The following FLYWCH1 variants were observed in gnomAD, a reference collection of about 807,000 sequenced individuals.
FLYWCH1 encodes the protein FLYWCH-type zinc finger 1.
A neutral mutation model predicts 66.4 loss-of-function variants in FLYWCH1; 75 were observed. The observed-to-expected ratio is 1.13, with a 90% CI of 0.94 to 1.37. The LOEUF (loss-of-function observed/expected upper bound fraction) is 1.37. FLYWCH1 is among the 40% of genes most tolerant of loss of function. FLYWCH1 has a pLI of 0.00. For synonymous variants in FLYWCH1, 595 were observed against 429.9 expected, an observed-to-expected ratio of 1.38 and a Z score of -4.75; for missense variants, 1,334 against 1,001.8, an observed-to-expected ratio of 1.33 and a Z score of -4.48.
chr16:2,930,448 G>A lies in FLYWCH1; in HGVS notation c.364G>A (p.Gly122Arg). ...CCTGGAGTTCCTGAGGACACCATTC[G>A]GGGGCCGCCTCCTGGTGCTGGAGTC... ...QSLEFLRTPF[G>R]GRLLVLESFL... Residue 122 changes from glycine to arginine, a missense_variant, in exon 4 of 10, where the codon GGG becomes AGG. Gly to Arg is a moderately radical substitution (Grantham distance 125). Coordinates refer to ENST00000253928, the MANE Select transcript of FLYWCH1 (RefSeq NM_001308068.2). 6.7e-7 allele frequency: 1 copy of A among 1,493,158 alleles called. No individual in the cohort carries two copies. The highest frequency in any genetic ancestry group is 8.9e-7 in the Non-Finnish European group (1 of 1,123,306). The allele number at this position is 1,493,158 out of a possible 1,614,324, so 92.5% of individuals were successfully genotyped here.
chr16:2,945,366 A>G (rs767527415), intron 9 of FLYWCH1, among the ~76,000 whole-genome samples: 5 of 151,838 alleles, frequency 3.3e-5, no homozygotes, highest in Non-Finnish European at 7.4e-5. Context: ...TGTGCCTGTA[A>G]TCCCAGCTAC....
chr16:2,938,607 GTTTTTTTTT>G (rs35169451), intron 8 of FLYWCH1, among the ~76,000 whole-genome samples, 151 bp downstream of exon 8: 1 of 129,192 alleles, frequency 7.7e-6, no homozygotes, highest in East Asian at 2.3e-4. Context: ...ACCAGTCTTT[GTTTTTTTTT>G]TTTTTTTTTT....
At chr16:2,923,115 C>A in intron 2 of FLYWCH1, 1 of 401,452 alleles carries the variant, frequency 2.5e-6, no homozygotes, top group South Asian at 2.0e-5. Context: ...TTGTGAGGTT[C>A]TTTTTTTGTG....
At chr16:2,916,268 A>G (rs1323877931) in intron 2 of FLYWCH1, among the ~76,000 whole-genome samples, 3 of 152,136 alleles carry the variant, frequency 2.0e-5, no homozygotes, top group Admixed American at 6.6e-5. Context: ...TTAACCTAGG[A>G]GGCAGAAGTT....
intron 2 of FLYWCH1, among the ~76,000 whole-genome samples, chr16:2,926,210 A>C (rs1346908116): frequency 2.0e-5 from 3 of 152,244 alleles, no homozygotes; most frequent in African/African-American, 7.2e-5. Context: ...CAATAGAACA[A>C]TTCTGCCCAT....
At chr16:2,918,046 C>T (rs1403170437) in intron 2 of FLYWCH1, among the ~76,000 whole-genome samples, 1 of 151,370 alleles carries the variant, frequency 6.6e-6, no homozygotes, top group African/African-American at 2.4e-5. Flanking sequence ...GCCATGTTGG[C>T]CGGGCTTGTC....
chr16:2,948,724 G>A lies in FLYWCH1; in HGVS notation c.2148G>A (p.Gln716=). Residue 716 remains glutamine (Q), a synonymous_variant, in exon 10 of 10, where the codon CAG becomes CAA. Transcript: ENST00000253928. Reference sequence around the variant, plus strand: ...ACGTCAGACTGGATGGCGAGTCCCAGTGAGGCGATGTGGGCAGAGGAGCTC... The same window carrying A: ...ACGTCAGACTGGATGGCGAGTCCCAATGAGGCGATGTGGGCAGAGGAGCTC... ...IKDVRLDGES[Q] The A allele has an allele frequency of 6.2e-7, 1 of 1,613,884 alleles. No homozygotes were observed. The highest frequency in any genetic ancestry group is 8.5e-7 in the Non-Finnish European group (1 of 1,179,772).
At chr16:2,918,038 C>T (rs912967916) in intron 2 of FLYWCH1, among the ~76,000 whole-genome samples, 2 of 151,656 alleles carry the variant, frequency 1.3e-5, no homozygotes, top group African/African-American at 2.4e-5. Context: ...GGGGTTTTGC[C>T]ATGTTGGCCG....
chr16:2,918,533 C>A (rs1212620531), intron 2 of FLYWCH1, among the ~76,000 whole-genome samples: 1 of 151,142 alleles, frequency 6.6e-6, no homozygotes, highest in South Asian at 2.1e-4. Flanking sequence ...CTCCACCTCC[C>A]GGTTTCGAGT....
intron 9 of FLYWCH1, among the ~76,000 whole-genome samples, chr16:2,940,470 G>T (rs2071214597): frequency 6.6e-5 from 10 of 152,192 alleles, no homozygotes. Flanking sequence ...TGGAGTCTGT[G>T]TGTGGCCCAG....
At chr16:2,944,950 G>A (rs59590089) in intron 9 of FLYWCH1, among the ~76,000 whole-genome samples, 5,324 of 152,250 alleles carry the variant, frequency 0.035, 318 homozygotes, top group African/African-American at 0.12. Flanking sequence ...TATTGTCCCT[G>A]AAGACCTTCC....
intron 4 of FLYWCH1, among the ~76,000 whole-genome samples, chr16:2,931,639 C>G (rs948182160): frequency 5.9e-5 from 9 of 151,958 alleles, no homozygotes; most frequent in African/African-American, 2.2e-4. Flanking sequence ...AGAATTTTAT[C>G]TGGTTCCCAT....
At chr16:2,938,895 A>G (rs2071141534) in intron 8 of FLYWCH1, among the ~76,000 whole-genome samples, 1 of 148,696 alleles carries the variant, frequency 6.7e-6, no homozygotes, top group African/African-American at 2.5e-5. Flanking sequence ...TACAGGCGTG[A>G]GTCACTGTGC....
chr16:2,912,157 G>A lies in FLYWCH1; in HGVS notation c.-188+3G>A, dbSNP rs996166925. The A allele has an allele frequency of 2.0e-5, 3 of 152,222 alleles. No homozygotes were observed. The highest frequency in any genetic ancestry group is 7.2e-5 in the African/African-American group (3 of 41,452). 9.4% of individuals were successfully genotyped at this position (152,222 alleles called of 1,614,324 possible). A position where few individuals can be genotyped will look rare whatever the true frequency, so the allele number is the denominator to read the frequency against. ...GAGGGAGGGCCCCGCTGCCGTCGGT[G>A]AGGACAGGCCCCTGCGGGCGGGGAA... is the stretch of plus-strand genomic sequence containing the variant. On this transcript the variant is annotated splice_donor_region_variant and intron_variant, in intron 1 of 9. Transcript: ENST00000253928.
intron 9 of FLYWCH1, among the ~76,000 whole-genome samples, chr16:2,944,577 C>T (rs1187859703): frequency 6.6e-6 from 1 of 152,008 alleles, no homozygotes; most frequent in Non-Finnish European, 1.5e-5. Flanking sequence ...AATCCCAGCA[C>T]TTTGGTAGGC....
chr16:2,948,895 A>ACC lies in FLYWCH1; in HGVS notation c.*168_*169insCC, dbSNP rs2071593351. ...GAGGTCTCCCAGGAGGAATTCTTGGATGGTGTCCTCATGTCGGCGGAGAAC... is the reference window on the plus strand; with the variant it reads ...GAGGTCTCCCAGGAGGAATTCTTGGACCTGGTGTCCTCATGTCGGCGGAGAAC... On this transcript the variant is annotated 3_prime_UTR_variant, in exon 10 of 10. Transcript: ENST00000253928. 1 of 619,576 alleles carries ACC rather than the reference A, an allele frequency of 1.6e-6. No homozygotes were observed. Among genetic ancestry groups the ACC allele is most frequent in the Non-Finnish European group, 2.9e-6 (1 of 349,774 alleles). 38.4% of individuals were successfully genotyped at this position (619,576 alleles called of 1,614,324 possible).
At chr16:2,942,402 C>G (rs1205730236) in intron 9 of FLYWCH1, among the ~76,000 whole-genome samples, 1 of 152,098 alleles carries the variant, frequency 6.6e-6, no homozygotes, top group African/African-American at 2.4e-5. Flanking sequence ...CCTGCCTTGG[C>G]CTCCCAAAGT....
chr16:2,929,566 T>C (rs1164112849), intron 2 of FLYWCH1, 47 bp from the exon 3 acceptor site: 14 of 1,293,150 alleles, frequency 1.1e-5, no homozygotes, highest in African/African-American at 7.4e-5. Context: ...ACGTCTAGAG[T>C]CCCCCAAGGG....
At chr16:2,921,588 C>G (rs985152564) in intron 2 of FLYWCH1, among the ~76,000 whole-genome samples, 1 of 151,852 alleles carries the variant, frequency 6.6e-6, no homozygotes, top group Non-Finnish European at 1.5e-5. Flanking sequence ...CTGGCAAAAC[C>G]CCGTCTCTAC....
Sources: gnomAD v4.1 joint callset for allele counts (sites outside exome capture counted in the v4.1 genomes callset) on GRCh38, gnomAD v4.1.1 for gene constraint, MANE v1.5 for transcripts, NCBI Gene and HGNC (gene_info 2026-07-23, HGNC 2026-07-21) for gene names.